RALGAPA1: variants seen among roughly 807,000 people sequenced by gnomAD.
RALGAPA1 encodes ral GTPase-activating protein subunit alpha-1.
A neutral mutation model predicts 269.6 loss-of-function variants in RALGAPA1; 52 were observed. That is an observed-to-expected ratio of 0.19 (90% CI 0.15 to 0.24). The LOEUF (loss-of-function observed/expected upper bound fraction) is 0.24, where lower values mean the gene tolerates loss of function less well. RALGAPA1 is among the 10% of genes least tolerant of loss of function. The probability of loss-of-function intolerance (pLI) is 1.00; values close to 1 mark genes in which losing one functional copy is unlikely to be tolerated. For missense variants in RALGAPA1, 1,917 were observed against 3,013.9 expected (o/e 0.64, Z 8.52); for synonymous variants, 817 against 1,008.3 (o/e 0.81, Z 3.60).
chr14:35,740,107 A>G (rs2071407722), intron 11 of RALGAPA1, among the ~76,000 whole-genome samples: 1 of 152,088 alleles, frequency 6.6e-6, no homozygotes, highest in Admixed American at 6.6e-5. Context: ...TTTATCTTAT[A>G]CTATCTCTTC....
chr14:35,615,030 C>T (rs1374882511), intron 35 of RALGAPA1, among the ~76,000 whole-genome samples: 2 of 152,092 alleles, frequency 1.3e-5, no homozygotes, highest in African/African-American at 2.4e-5. Context: ...TCTTATTTTT[C>T]TCCTTACTAA....
In RALGAPA1 at chr14:35,543,984, CAT is replaced by C. The variant is rs548639808; in HGVS notation, c.*24-4296_*24-4295del. On this transcript the variant is annotated intron_variant, in intron 41 of 41. Coordinates refer to ENST00000680220, the MANE Select transcript of RALGAPA1 (RefSeq NM_001346249.2). The stretch of plus-strand genomic sequence containing the variant: ...AAAATAGTAGAGAAATAAAGGCAAA[CAT>C]GTGGTTTCATTTTAAGATACATTCA... 4.2e-4 allele frequency among the ~76,000 whole-genome samples: 64 copies of C among 152,280 alleles called. 1 individual carries two copies. Among genetic ancestry groups the C allele is most frequent in the African/African-American group, 1.3e-3 (54 of 41,556 alleles).
chr14:35,755,842 G>A (rs1048853101), intron 7 of RALGAPA1, among the ~76,000 whole-genome samples: 1 of 152,136 alleles, frequency 6.6e-6, no homozygotes, highest in African/African-American at 2.4e-5. Context: ...ACTTTATAAT[G>A]TTTGTTTCTG....
intron 1 of RALGAPA1, among the ~76,000 whole-genome samples, chr14:35,776,461 G>A (rs2075034882): frequency 6.6e-6 from 1 of 151,842 alleles, no homozygotes; most frequent in African/African-American, 2.4e-5. Flanking sequence ...AATAGGCTTT[G>A]TAAATAGGTA....
chr14:35,750,198 T>G (rs561711221), intron 9 of RALGAPA1, among the ~76,000 whole-genome samples: 7 of 152,292 alleles, frequency 4.6e-5, no homozygotes, highest in African/African-American at 1.4e-4. Context: ...TTGTAAGATT[T>G]ATCTGTACAA....
At chr14:35,567,959 G>T (rs914101187) in intron 39 of RALGAPA1, among the ~76,000 whole-genome samples, 7 of 152,084 alleles carry the variant, frequency 4.6e-5, no homozygotes, top group African/African-American at 1.7e-4. Flanking sequence ...TCTCAGAATG[G>T]ACATTAGGAT....
chr14:35,800,866 G>T (rs764522280), intron 1 of RALGAPA1, among the ~76,000 whole-genome samples: 1 of 151,888 alleles, frequency 6.6e-6, no homozygotes, highest in South Asian at 2.1e-4. Flanking sequence ...TTAGCCAGGC[G>T]GGGTGGCGCA....
At chr14:35,776,627 G>A (rs892039204) in intron 1 of RALGAPA1, among the ~76,000 whole-genome samples, 24 of 152,064 alleles carry the variant, frequency 1.6e-4, no homozygotes, top group African/African-American at 2.4e-5. Context: ...AGAAACACAA[G>A]AGTACTTTCA....
chr14:35,579,184 T>C (rs1378190623), intron 37 of RALGAPA1, among the ~76,000 whole-genome samples: 1 of 152,124 alleles, frequency 6.6e-6, no homozygotes, highest in East Asian at 1.9e-4. Flanking sequence ...TACACAGCCC[T>C]TAAGATGTGA....
intron 35 of RALGAPA1, among the ~76,000 whole-genome samples, chr14:35,606,077 G>A (rs1375842771): frequency 6.6e-6 from 1 of 152,216 alleles, no homozygotes; most frequent in East Asian, 1.9e-4. Flanking sequence ...CGAATCCCAT[G>A]GTTGAAGGGA....
intron 4 of RALGAPA1, among the ~76,000 whole-genome samples, chr14:35,764,356 G>T (rs1440774449): frequency 6.6e-6 from 1 of 151,700 alleles, no homozygotes; most frequent in Non-Finnish European, 1.5e-5. Flanking sequence ...AAAGTGCTGG[G>T]ATTACACGTG....
chr14:35,552,342 TTCC>T (rs1256908889), intron 39 of RALGAPA1, among the ~76,000 whole-genome samples: 4 of 152,282 alleles, frequency 2.6e-5, no homozygotes, highest in Non-Finnish European at 4.4e-5. Flanking sequence ...AAGCAGTTAA[TTCC>T]TATATCTCAT....
intron 7 of RALGAPA1, among the ~76,000 whole-genome samples, chr14:35,755,636 C>G (rs140471114): frequency 1.3e-5 from 2 of 152,118 alleles, no homozygotes; most frequent in African/African-American, 2.4e-5. Context: ...TTATGGCATG[C>G]TATGCATTAT....
At chr14:35,548,154 A>G (rs919996727) in intron 41 of RALGAPA1, among the ~76,000 whole-genome samples, 2 of 152,128 alleles carry the variant, frequency 1.3e-5, no homozygotes, top group African/African-American at 4.8e-5. Context: ...AGGATATCCA[A>G]TAACAATGCA....
chr14:35,622,127 A>G (rs2060670930), intron 35 of RALGAPA1, among the ~76,000 whole-genome samples: 1 of 152,250 alleles, frequency 6.6e-6, no homozygotes, highest in Non-Finnish European at 1.5e-5. Flanking sequence ...ATGTCCATCA[A>G]TGATAGACTG....
At chr14:35,573,427 G>C (rs1190220566) in intron 37 of RALGAPA1, among the ~76,000 whole-genome samples, 3 of 152,084 alleles carry the variant, frequency 2.0e-5, no homozygotes, top group Admixed American at 1.3e-4. Context: ...CTGCCACTGT[G>C]AGCATTTGAG....
At chr14:35,713,714 G>T (rs916281879) in intron 16 of RALGAPA1, among the ~76,000 whole-genome samples, 2 of 152,050 alleles carry the variant, frequency 1.3e-5, no homozygotes, top group Non-Finnish European at 2.9e-5. Context: ...ACATGAATTT[G>T]TCAGTCTCAG....
chr14:35,772,550 T>G (rs2074713772), intron 3 of RALGAPA1, among the ~76,000 whole-genome samples: 1 of 152,226 alleles, frequency 6.6e-6, no homozygotes, highest in East Asian at 1.9e-4. Flanking sequence ...ACTCATCCAC[T>G]TGCTGAATGA....
intron 7 of RALGAPA1, among the ~76,000 whole-genome samples, chr14:35,755,142 G>A (rs1169122975): frequency 6.6e-6 from 1 of 151,870 alleles, no homozygotes; most frequent in Non-Finnish European, 1.5e-5. Flanking sequence ...GAGCTCAGGA[G>A]TTTGAGACCA....
Sources: allele counts gnomAD v4.1 joint callset (sites outside exome capture counted in the v4.1 genomes callset), GRCh38; gene constraint gnomAD v4.1.1; transcripts MANE v1.5; gene names NCBI Gene and HGNC (gene_info 2026-07-23, HGNC 2026-07-21).